HECW1: variants seen among roughly 807,000 people sequenced by gnomAD.
HECW1 encodes the protein E3 ubiquitin-protein ligase HECW1.
HECW1 carries 61 observed loss-of-function variants against 182.3 expected under a neutral mutation model. The ratio of observed to expected loss-of-function variants is 0.33; its 90% CI spans 0.27 to 0.41. HECW1 has a LOEUF of 0.41. Ranked by LOEUF, HECW1 falls within the 10% of genes least tolerant of loss-of-function variation. HECW1 has a pLI of 1.00. For synonymous variants in HECW1, 859 were observed against 832.6 expected (o/e 1.03, Z -0.55); for missense variants, 1,739 against 2,108.9 (o/e 0.82, Z 3.44).
At chr7:43,483,646 T>C (rs1473142372) in intron 17 of HECW1, among the ~76,000 whole-genome samples, 1 of 149,526 alleles carries the variant, frequency 6.7e-6, no homozygotes, top group East Asian at 2.0e-4. Context: ...CCTCCTGGGT[T>C]CAAGCGATTC....
intron 29 of HECW1, among the ~76,000 whole-genome samples, chr7:43,558,016 G>A (rs2082087903): frequency 1.3e-5 from 2 of 152,358 alleles, no homozygotes; most frequent in East Asian, 1.9e-4. Context: ...TGACAGCAGG[G>A]AGTGTGAAGA....
intron 3 of HECW1, among the ~76,000 whole-genome samples, chr7:43,282,019 G>A (rs1231316790): frequency 6.6e-6 from 1 of 152,076 alleles, no homozygotes; most frequent in African/African-American, 2.4e-5. Context: ...CTGTCATAGA[G>A]CAATGTGACT....
intron 2 of HECW1, among the ~76,000 whole-genome samples, chr7:43,188,090 C>A (rs1793575147): frequency 6.6e-6 from 1 of 152,174 alleles, no homozygotes; most frequent in African/African-American, 2.4e-5. Context: ...GAGGGATGTT[C>A]TCTGGGCACA....
chr7:43,160,526 C>T (rs930931876), intron 2 of HECW1, among the ~76,000 whole-genome samples: 3 of 152,140 alleles, frequency 2.0e-5, no homozygotes, highest in African/African-American at 7.2e-5. Flanking sequence ...TAGAGGCACG[C>T]GTTGAGTAAT....
At chr7:43,248,239 A>C (rs1049277679) in intron 3 of HECW1, among the ~76,000 whole-genome samples, 4 of 152,178 alleles carry the variant, frequency 2.6e-5, no homozygotes, top group African/African-American at 9.7e-5. Context: ...GGCTCCTGAC[A>C]GCAACACCCC....
In HECW1 at chr7:43,565,116, T is replaced by G. The variant is rs2082299179; in HGVS notation, c.*3190T>G. ...TTCATGGATATCACAAATGTTTTAT[T>G]CTACAGTGTGAAGATGATAATCCTA... On this transcript the variant is annotated 3_prime_UTR_variant, in exon 30 of 30. Transcript: ENST00000395891. 5.0e-6 allele frequency: 1 copy of G among 198,388 alleles called. No individual in the cohort carries two copies. The highest frequency in any genetic ancestry group is 1.0e-5 in the Non-Finnish European group (1 of 96,058). 12.3% of individuals were successfully genotyped at this position (198,388 alleles called of 1,614,324 possible). A position where few individuals can be genotyped will look rare whatever the true frequency, so the allele number is the denominator to read the frequency against.
chr7:43,518,544 C>G (rs2080279961), intron 24 of HECW1, among the ~76,000 whole-genome samples: 1 of 150,702 alleles, frequency 6.6e-6, no homozygotes, highest in Non-Finnish European at 1.5e-5. Flanking sequence ...TACTTTCTGA[C>G]AAAAATACCA....
At chr7:43,145,932 TTCC>T (rs1252359734) in intron 2 of HECW1, among the ~76,000 whole-genome samples, 2 of 152,194 alleles carry the variant, frequency 1.3e-5, no homozygotes, top group African/African-American at 4.8e-5. Flanking sequence ...TTTTTGCTCC[TTCC>T]TTCCTTGCAC....
intron 5 of HECW1, among the ~76,000 whole-genome samples, chr7:43,346,269 T>C (rs1175353855): frequency 1.3e-5 from 2 of 152,214 alleles, no homozygotes; most frequent in Non-Finnish European, 2.9e-5. Context: ...TTTTTTCATA[T>C]GTTTGTTGGC....
chr7:43,422,791 T>C (rs899508982), intron 8 of HECW1, among the ~76,000 whole-genome samples: 1 of 152,166 alleles, frequency 6.6e-6, no homozygotes, highest in African/African-American at 2.4e-5. Flanking sequence ...ATGAGACTTA[T>C]TAGAAAGGGA....
chr7:43,304,258 G>C (rs1187787603), intron 3 of HECW1, among the ~76,000 whole-genome samples: 1 of 151,980 alleles, frequency 6.6e-6, no homozygotes, highest in Non-Finnish European at 1.5e-5. Context: ...CTGCCTCAGG[G>C]ATTCCCGGTG....
At chr7:43,550,755 T>C (rs756745381) in intron 27 of HECW1, among the ~76,000 whole-genome samples, 164 bp downstream of exon 27, 5 of 152,218 alleles carry the variant, frequency 3.3e-5, no homozygotes, top group Non-Finnish European at 5.9e-5. Flanking sequence ...CAGGGAGTAC[T>C]GAGGATCTTC....
intron 29 of HECW1, among the ~76,000 whole-genome samples, chr7:43,555,756 A>G (rs970467178): frequency 7.2e-5 from 11 of 152,210 alleles, no homozygotes; most frequent in South Asian, 2.1e-4. Flanking sequence ...ACCCTGGTGC[A>G]GGCTTCAGCC....
chr7:43,115,776 C>CGA (rs1238849495), intron 2 of HECW1, among the ~76,000 whole-genome samples: 1 of 152,214 alleles, frequency 6.6e-6, no homozygotes, highest in Non-Finnish European at 1.5e-5. Context: ...CCTGAAATTA[C>CGA]AGTCCCTGCA....
chr7:43,405,424 G>A (rs555228401), intron 7 of HECW1, among the ~76,000 whole-genome samples: 3 of 152,176 alleles, frequency 2.0e-5, no homozygotes, highest in African/African-American at 7.2e-5. Flanking sequence ...AGGTGCTTAG[G>A]GCAAAGTCTG....
intron 21 of HECW1, among the ~76,000 whole-genome samples, chr7:43,505,850 T>G (rs2079557007): frequency 6.6e-6 from 1 of 152,218 alleles, no homozygotes; most frequent in Non-Finnish European, 1.5e-5. Context: ...ATAGCAATCA[T>G]TGTAACTTGT....
At chr7:43,393,676 T>TC (rs2075124486) in intron 6 of HECW1, among the ~76,000 whole-genome samples, 1 of 146,212 alleles carries the variant, frequency 6.8e-6, no homozygotes, top group Non-Finnish European at 1.5e-5. Context: ...TTTTTCTTCT[T>TC]CTTTTTTTTT....
At chr7:43,559,188 C>G (rs2082129119) in intron 29 of HECW1, among the ~76,000 whole-genome samples, 1 of 152,112 alleles carries the variant, frequency 6.6e-6, no homozygotes, top group Admixed American at 6.5e-5. Flanking sequence ...GTGTAGATGA[C>G]ACAGTTAGAA....
chr7:43,396,873 C>A lies in HECW1; in HGVS notation c.615C>A (p.Ile205=). 1 of 1,612,494 alleles carries A rather than the reference C, an allele frequency of 6.2e-7. No individual in the cohort carries two copies. The highest frequency in any genetic ancestry group is 1.1e-5 in the South Asian group (1 of 91,014). ...TVQGQGSRRL[I]SFSLSDFQAM... is the part of the protein sequence containing the mutation. ...AAGGACAAGGAAGTCGGAGGCTGAT[C>A]AGCTTCTCTCTCTCAGGTATGTTTT... is the stretch of plus-strand genomic sequence containing the variant. The change falls in exon 7 of 30, where the codon ATC becomes ATA. Residue 205 remains isoleucine (I), a synonymous_variant. Transcript: ENST00000395891.
Sources: allele counts gnomAD v4.1 joint callset (sites outside exome capture counted in the v4.1 genomes callset), GRCh38; gene constraint gnomAD v4.1.1; transcripts MANE v1.5; gene names NCBI Gene and HGNC (gene_info 2026-07-23, HGNC 2026-07-21).